Variants in ASB1 observed in about 807,000 individuals in gnomAD.
ASB1 encodes ankyrin repeat and SOCS box containing 1.
Under a neutral mutation model 27.7 loss-of-function variants are expected in ASB1, and 18 were observed. The observed-to-expected ratio is 0.65, with a 90% CI of 0.45 to 0.96. The LOEUF (loss-of-function observed/expected upper bound fraction) is 0.96, where lower values mean the gene tolerates loss of function less well. Among genes scored for constraint, ASB1 ranks in the 50% least tolerant of loss-of-function variants. ASB1 has a pLI of 0.00. For missense variants in ASB1, 397 were observed against 451.7 expected, an observed-to-expected ratio of 0.88 and a Z score of 1.10; for synonymous variants, 189 against 187.6, an observed-to-expected ratio of 1.01 and a Z score of -0.06.
chr2:238,442,152 C>T (rs780923743), intron 3 of ASB1, among the ~76,000 whole-genome samples: 24 of 147,638 alleles, frequency 1.6e-4, no homozygotes, highest in Non-Finnish European at 2.4e-4. Flanking sequence ...GATGAAGTCT[C>T]GCTCTGTTGC....
At chr2:238,431,138 A>G (rs1701865193) in intron 1 of ASB1, among the ~76,000 whole-genome samples, 1 of 152,252 alleles carries the variant, frequency 6.6e-6, no homozygotes, top group Non-Finnish European at 1.5e-5. Flanking sequence ...TGTTTCTTCT[A>G]CATTGAAAAT....
chr2:238,434,588 A>G (rs1388531747), intron 2 of ASB1, among the ~76,000 whole-genome samples: 2 of 152,232 alleles, frequency 1.3e-5, no homozygotes, highest in Non-Finnish European at 2.9e-5. Context: ...ATTTCCTTCT[A>G]GTGTCTTAGC....
In ASB1 at chr2:238,446,701, G is replaced by A; in HGVS notation, c.*190G>A. On this transcript the variant is annotated 3_prime_UTR_variant, in exon 5 of 5. Coordinates refer to ENST00000264607, the MANE Select transcript of ASB1 (RefSeq NM_001040445.3). Reference sequence around the variant, plus strand: ...TCCTTGGGTCATTGTCAGCTGAGAGGCTTATACTAAAGTTATTATTGTTTT... The same window carrying A: ...TCCTTGGGTCATTGTCAGCTGAGAGACTTATACTAAAGTTATTATTGTTTT... 1.6e-6 allele frequency: 1 copy of A among 632,230 alleles called. No individual in the cohort carries two copies. The highest frequency in any genetic ancestry group is 1.9e-5 in the South Asian group (1 of 52,844). The allele number at this position is 632,230 out of a possible 1,614,324, so 39.2% of individuals were successfully genotyped here. A position where few individuals can be genotyped will look rare whatever the true frequency, so the allele number is the denominator to read the frequency against.
rs1256641743 is a variant in ASB1 at position 238,444,662 on chromosome 2, G to C, written c.815G>C (p.Gly272Ala). The change falls in exon 4 of 5, where the codon GGC (glycine) becomes GCC (alanine). Residue 272 changes from glycine to alanine, a missense_variant. By Grantham distance (60) the Gly-to-Ala change is moderately conservative. Coordinates refer to ENST00000264607, the MANE Select transcript of ASB1 (RefSeq NM_001040445.3). ...AATCTAGTGAAGTGGGAATCGCTGGGCCCAGAGTCGAGAGGAAGAAGAAAA... is the reference window on the plus strand; with the variant it reads ...AATCTAGTGAAGTGGGAATCGCTGGCCCCAGAGTCGAGAGGAAGAAGAAAA... The part of the protein sequence containing the change: ...NLNLVKWESL[G>A]PESRGRRKVD... The C allele has an allele frequency of 6.2e-7, 1 of 1,614,148 alleles. No individual in the cohort carries two copies. The highest frequency in any genetic ancestry group is 2.2e-5 in the East Asian group (1 of 44,880).
At chr2:238,438,702 T>G (rs1702021118) in intron 3 of ASB1, among the ~76,000 whole-genome samples, 1 of 152,226 alleles carries the variant, frequency 6.6e-6, no homozygotes, top group Non-Finnish European at 1.5e-5. Context: ...TGGAAATAAC[T>G]TAGCTTCTGC....
chr2:238,444,406 C>T lies in ASB1; in HGVS notation c.559C>T (p.Arg187Trp), dbSNP rs142581629. ...TGATGTCCAGCCTCGATTCTCCCGG[C>T]GGCTCACCTCCTTGGTGGTCTGCCC... ...TPDVQPRFSR[R>W]LTSLVVCPLY... Residue 187 changes from arginine (R) to tryptophan (W), a missense_variant, in exon 4 of 5, where the codon CGG becomes TGG. Transcript: ENST00000264607. 26 of 1,613,474 alleles carry T rather than the reference C, an allele frequency of 1.6e-5. No individual in the cohort carries two copies. Among genetic ancestry groups the T allele is most frequent in the East Asian group, 2.2e-5 (1 of 44,876 alleles).
chr2:238,432,530 G>A (rs540620240), intron 1 of ASB1, among the ~76,000 whole-genome samples: 3 of 152,272 alleles, frequency 2.0e-5, no homozygotes, highest in South Asian at 2.1e-4. Context: ...CCCTGTGGCC[G>A]TTGCCCAGGG....
intron 3 of ASB1, among the ~76,000 whole-genome samples, chr2:238,438,754 T>C (rs963660154): frequency 4.6e-5 from 7 of 152,264 alleles, no homozygotes; most frequent in Non-Finnish European, 8.8e-5. Flanking sequence ...CATCTTTCAC[T>C]GTTGCAATTT....
intron 3 of ASB1, among the ~76,000 whole-genome samples, chr2:238,439,956 TAGAC>T (rs1702048881): frequency 1.3e-5 from 2 of 152,272 alleles, no homozygotes; most frequent in African/African-American, 2.4e-5. Context: ...TTTGTTAGTA[TAGAC>T]TCATGGTTTC....
intron 3 of ASB1, among the ~76,000 whole-genome samples, chr2:238,436,729 G>A (rs142062060): frequency 2.5e-4 from 37 of 147,304 alleles, no homozygotes; most frequent in African/African-American, 9.2e-4. Context: ...GACCATGGGT[G>A]TTTTGTTTAC....
chr2:238,427,922 C>G (rs1489027276), intron 1 of ASB1, among the ~76,000 whole-genome samples: 1 of 152,184 alleles, frequency 6.6e-6, no homozygotes, highest in Non-Finnish European at 1.5e-5. Context: ...AGTAATAAAC[C>G]AATACATTTC....
At chr2:238,442,382 G>A (rs1437773069) in intron 3 of ASB1, among the ~76,000 whole-genome samples, 1 of 152,100 alleles carries the variant, frequency 6.6e-6, no homozygotes, top group African/African-American at 2.4e-5. Context: ...AAAGTGCTGG[G>A]ATTACAGGCA....
intron 1 of ASB1, 192 bp downstream of exon 1, chr2:238,427,311 C>G: frequency 2.6e-6 from 1 of 386,926 alleles, no homozygotes. Context: ...ACCACGGACG[C>G]GCTGCCCTCT....
chr2:238,441,444 A>G (rs192886088), intron 3 of ASB1, among the ~76,000 whole-genome samples: 1 of 152,170 alleles, frequency 6.6e-6, no homozygotes, highest in East Asian at 1.9e-4. Flanking sequence ...CAAGGTATAA[A>G]TTTTTGGAAA....
At position 238,446,425 on chromosome 2, in the gene ASB1, A is replaced by G. The variant is rs1479785474; in HGVS notation, c.922A>G (p.Arg308Gly). The G allele has an allele frequency of 6.2e-7, 1 of 1,613,428 alleles. No homozygotes were observed. The highest frequency in any genetic ancestry group is 8.5e-7 in the Non-Finnish European group (1 of 1,179,716). ...GCTGTGTCTGTGCCGTGTGGCTGTG[A>G]GAAGAGCTCTTGGCAAACACCGGCT... is the stretch of plus-strand genomic sequence containing the variant. Reference protein sequence around the residue: ...TLLCLCRVAVRRALGKHRLHL... With the variant: ...TLLCLCRVAVGRALGKHRLHL... Residue 308 changes from arginine (R) to glycine (G), a missense_variant, in exon 5 of 5, where the codon AGA becomes GGA. Physicochemically the swap from Arg to Gly is moderately radical, Grantham distance 125 (BLOSUM62 -2). Coordinates refer to ENST00000264607, the MANE Select transcript of ASB1 (RefSeq NM_001040445.3).
chr2:238,448,848 C>G lies in ASB1; in HGVS notation c.*2337C>G, dbSNP rs1702227879. The G allele has an allele frequency of 1.3e-5, 2 of 152,378 alleles. No homozygotes were observed. The highest frequency in any genetic ancestry group is 2.1e-4 in the South Asian group (1 of 4,836). The allele number at this position is 152,378 out of a possible 1,614,324, so 9.4% of individuals were successfully genotyped here. On this transcript the variant is annotated 3_prime_UTR_variant, in exon 5 of 5. Coordinates refer to ENST00000264607, the MANE Select transcript of ASB1 (RefSeq NM_001040445.3). ...GACCAGGTCACTGCCCCTGGTCTCTCTAGGAGGAGTGGACTGAATGGATCG... is the reference window on the plus strand; with the variant it reads ...GACCAGGTCACTGCCCCTGGTCTCTGTAGGAGGAGTGGACTGAATGGATCG...
chr2:238,435,710 G>A lies in ASB1; in HGVS notation c.192-1G>A. The stretch of plus-strand genomic sequence containing the variant: ...TGAGCCCCCTTGTGTTCCTCCTGCA[G>A]CCGCATCAACGAGAAGTCTGTCTGG... On this transcript the variant is annotated splice_acceptor_variant, in intron 2 of 4. Transcript: ENST00000264607. LOFTEE classifies it high-confidence loss of function. The A allele has an allele frequency of 6.2e-7, 1 of 1,610,354 alleles. No individual in the cohort carries two copies. The highest frequency in any genetic ancestry group is 8.5e-7 in the Non-Finnish European group (1 of 1,177,528).
chr2:238,431,902 T>C (rs942750146), intron 1 of ASB1, among the ~76,000 whole-genome samples: 3 of 152,164 alleles, frequency 2.0e-5, no homozygotes, highest in African/African-American at 7.2e-5. Flanking sequence ...AAAATAATAA[T>C]GAAAAAGTTT....
chr2:238,430,317 T>C (rs1210938003), intron 1 of ASB1, among the ~76,000 whole-genome samples: 3 of 152,230 alleles, frequency 2.0e-5, no homozygotes, highest in Non-Finnish European at 2.9e-5. Context: ...TTGTTGTCAT[T>C]ATGACAGTGT....
Sources: gnomAD v4.1 joint callset for allele counts (sites outside exome capture counted in the v4.1 genomes callset) on GRCh38, gnomAD v4.1.1 for gene constraint, MANE v1.5 for transcripts, NCBI Gene and HGNC (gene_info 2026-07-23, HGNC 2026-07-21) for gene names.